NTRK2: variants seen among roughly 807,000 people sequenced by gnomAD.
The protein encoded by NTRK2 is BDNF/NT-3 growth factors receptor.
A neutral mutation model predicts 94.5 loss-of-function variants in NTRK2; 13 were observed. The observed-to-expected ratio is 0.14, with a 90% CI of 0.09 to 0.22. The LOEUF (loss-of-function observed/expected upper bound fraction) is 0.22. Among genes scored for constraint, NTRK2 ranks in the 10% least tolerant of loss-of-function variants. The pLI, the probability that NTRK2 is intolerant of heterozygous loss-of-function variation, is 1.00. For synonymous variants in NTRK2, 372 were observed against 407.4 expected, an observed-to-expected ratio of 0.91 and a Z score of 1.05; for missense variants, 639 against 1,071.2, an observed-to-expected ratio of 0.60 and a Z score of 5.63.
intron 11 of NTRK2, among the ~76,000 whole-genome samples, chr9:84,749,335 T>C (rs1315832842): frequency 6.6e-6 from 1 of 152,214 alleles, no homozygotes; most frequent in Admixed American, 6.5e-5. Flanking sequence ...TGCTCCACAC[T>C]GGCCAAGAGC....
intron 14 of NTRK2, among the ~76,000 whole-genome samples, chr9:84,923,912 A>C (rs1318901918): frequency 2.0e-5 from 3 of 151,922 alleles, no homozygotes; most frequent in East Asian, 3.9e-4. Flanking sequence ...TCAAAAAAAA[A>C]AACAACAAAA....
At chr9:84,976,727 C>CA (rs145518200) in intron 17 of NTRK2, among the ~76,000 whole-genome samples, 1,968 of 146,016 alleles carry the variant, frequency 0.013, 36 homozygotes, top group African/African-American at 0.046. Flanking sequence ...CCTGATCCCA[C>CA]AAAAAAAAAA....
intron 9 of NTRK2, among the ~76,000 whole-genome samples, chr9:84,731,843 G>A (rs555586137): frequency 7.9e-4 from 120 of 152,260 alleles, no homozygotes; most frequent in African/African-American, 2.8e-3. Context: ...AGAGTGCTGG[G>A]CCTTGCAGAC....
chr9:84,874,103 G>A, intron 14 of NTRK2: 1 of 1,064,646 alleles, frequency 9.4e-7, no homozygotes, highest in Non-Finnish European at 1.1e-6. Flanking sequence ...TGGAGTGTGT[G>A]TACCAACAGG....
At chr9:84,705,771 T>A (rs2061013046) in intron 4 of NTRK2, among the ~76,000 whole-genome samples, 2 of 147,468 alleles carry the variant, frequency 1.4e-5, no homozygotes, top group Non-Finnish European at 3.0e-5. Flanking sequence ...TGTATACCAG[T>A]GAAACCCATT....
intron 12 of NTRK2, among the ~76,000 whole-genome samples, chr9:84,858,439 C>A (rs557438044): frequency 8.0e-4 from 121 of 151,976 alleles, no homozygotes; most frequent in African/African-American, 2.8e-3. Flanking sequence ...CCTCCCCCAA[C>A]CCCCCTTCCA....
intron 2 of NTRK2, among the ~76,000 whole-genome samples, chr9:84,701,048 C>T (rs2060689850): frequency 6.6e-6 from 1 of 152,150 alleles, no homozygotes; most frequent in Admixed American, 6.5e-5. Flanking sequence ...TCTAAGAAAA[C>T]TGAATAGACA....
chr9:84,670,695 A>G lies in NTRK2; in HGVS notation c.-54A>G. 1 of 1,581,560 alleles carries G rather than the reference A, an allele frequency of 6.3e-7. No homozygotes were observed. The highest frequency in any genetic ancestry group is 1.3e-5 in the African/African-American group (1 of 74,464). On this transcript the variant is annotated 5_prime_UTR_variant, in exon 2 of 19. Transcript: ENST00000277120. ...AAGGCCTCCCCGCACGGGTGGGGGA[A>G]AGCGGCCGGTGCAGCGCGGGGACAG...
At chr9:84,679,280 G>A (rs540265763) in intron 2 of NTRK2, among the ~76,000 whole-genome samples, 1 of 152,300 alleles carries the variant, frequency 6.6e-6, no homozygotes, top group South Asian at 2.1e-4. Flanking sequence ...GTTTCTGGTG[G>A]TGTTTCTTAT....
intron 10 of NTRK2, among the ~76,000 whole-genome samples, chr9:84,743,081 G>A (rs913060142): frequency 6.6e-6 from 1 of 152,068 alleles, no homozygotes; most frequent in African/African-American, 2.4e-5. Context: ...GATTACCAGG[G>A]TTAGCCACCA....
intron 13 of NTRK2, among the ~76,000 whole-genome samples, chr9:84,864,502 A>G (rs899418168): frequency 1.3e-5 from 2 of 152,152 alleles, no homozygotes; most frequent in Admixed American, 6.5e-5. Flanking sequence ...CTATTGAAAT[A>G]AAAAGAAATT....
chr9:84,957,775 A>C (rs1824334310), intron 17 of NTRK2, among the ~76,000 whole-genome samples: 1 of 152,256 alleles, frequency 6.6e-6, no homozygotes, highest in Non-Finnish European at 1.5e-5. Flanking sequence ...ATATGTTCCC[A>C]CAAAAACTTG....
intron 17 of NTRK2, among the ~76,000 whole-genome samples, chr9:84,967,103 AT>A (rs1825645675): frequency 6.6e-6 from 1 of 152,214 alleles, no homozygotes; most frequent in Non-Finnish European, 1.5e-5. Flanking sequence ...ACGAAGTGCT[AT>A]TTGAGGCTCT....
chr9:84,903,648 T>C (rs1430840070), intron 14 of NTRK2, among the ~76,000 whole-genome samples: 2 of 152,152 alleles, frequency 1.3e-5, no homozygotes, highest in Non-Finnish European at 2.9e-5. Flanking sequence ...AATTGTTCTT[T>C]CTTGTCTCTA....
At chr9:84,777,050 A>G (rs532652062) in intron 12 of NTRK2, among the ~76,000 whole-genome samples, 8 of 152,328 alleles carry the variant, frequency 5.3e-5, no homozygotes, top group Middle Eastern at 3.4e-3. Flanking sequence ...CATGGAAGAT[A>G]TATTTCCTAA....
chr9:84,973,791 A>G (rs1222398518), intron 17 of NTRK2, among the ~76,000 whole-genome samples: 1 of 152,206 alleles, frequency 6.6e-6, no homozygotes, highest in Non-Finnish European at 1.5e-5. Flanking sequence ...TCTAATCTCA[A>G]GACTCAGGTT....
At chr9:84,746,315 C>T (rs533259056) in intron 11 of NTRK2, among the ~76,000 whole-genome samples, 8 of 152,264 alleles carry the variant, frequency 5.3e-5, no homozygotes, top group African/African-American at 1.9e-4. Context: ...TCTTGTGCTC[C>T]GATGGGGGTG....
intron 12 of NTRK2, among the ~76,000 whole-genome samples, chr9:84,835,376 C>T (rs573766880): frequency 2.0e-5 from 3 of 152,224 alleles, no homozygotes; most frequent in Admixed American, 6.5e-5. Context: ...TGTATTCTGT[C>T]AGCGAAATGA....
chr9:84,947,154 CTA>C, intron 15 of NTRK2, among the ~76,000 whole-genome samples: 1 of 152,224 alleles, frequency 6.6e-6, no homozygotes, highest in Non-Finnish European at 1.5e-5. Context: ...CAGTGTTTCA[CTA>C]TGTTTGCCAG....
Sources: gnomAD v4.1 joint callset for allele counts (sites outside exome capture counted in the v4.1 genomes callset) on GRCh38, gnomAD v4.1.1 for gene constraint, MANE v1.5 for transcripts, NCBI Gene and HGNC (gene_info 2026-07-23, HGNC 2026-07-21) for gene names.